The following KCNMA1 variants were observed in gnomAD, a reference collection of about 807,000 sequenced individuals.
The protein encoded by KCNMA1 is Calcium-activated potassium channel subunit alpha-1.
In KCNMA1, 29 loss-of-function variants were observed where a neutral mutation model predicts 140.0. That is an observed-to-expected ratio of 0.21 (90% confidence interval 0.15 to 0.28). The LOEUF is 0.28. Ranked by LOEUF, KCNMA1 falls within the 10% of genes least tolerant of loss-of-function variation. The pLI, the probability that KCNMA1 is intolerant of heterozygous loss-of-function variation, is 1.00. For missense variants in KCNMA1, 880 were observed against 1,602.2 expected, an observed-to-expected ratio of 0.55 and a Z score of 7.70; for synonymous variants, 612 against 611.9, an observed-to-expected ratio of 1.00 and a Z score of 0.00.
At chr10:77,522,449 T>A (rs1014140505) in intron 1 of KCNMA1, among the ~76,000 whole-genome samples, 5 of 152,214 alleles carry the variant, frequency 3.3e-5, no homozygotes, top group Non-Finnish European at 5.9e-5. Context: ...AAATCCCCAG[T>A]AGTTTCAAAA....
intron 5 of KCNMA1, among the ~76,000 whole-genome samples, chr10:77,174,575 T>A (rs1467901600): frequency 6.6e-6 from 1 of 152,186 alleles, no homozygotes; most frequent in Non-Finnish European, 1.5e-5. Context: ...AATAGGCAAA[T>A]GTGGCTAGGA....
At chr10:77,129,696 A>C (rs1179984547) in intron 5 of KCNMA1, among the ~76,000 whole-genome samples, 2 of 152,028 alleles carry the variant, frequency 1.3e-5, no homozygotes, top group African/African-American at 4.8e-5. Context: ...ACCAATAAAT[A>C]TGAAAAAAAA....
intron 1 of KCNMA1, among the ~76,000 whole-genome samples, chr10:77,535,044 C>T (rs912680968): frequency 4.6e-5 from 7 of 152,150 alleles, no homozygotes; most frequent in African/African-American, 1.4e-4. Context: ...CTATAAGGGT[C>T]GTGGAGATTC....
chr10:77,118,233 A>T (rs2097525928), intron 6 of KCNMA1, among the ~76,000 whole-genome samples: 1 of 152,206 alleles, frequency 6.6e-6, no homozygotes, highest in Admixed American at 6.5e-5. Flanking sequence ...AAAGCAGCAG[A>T]GTATGGAAGA....
At chr10:77,530,581 A>G (rs570758889) in intron 1 of KCNMA1, among the ~76,000 whole-genome samples, 1 of 152,176 alleles carries the variant, frequency 6.6e-6, no homozygotes, top group African/African-American at 2.4e-5. Flanking sequence ...GCAGTGCACA[A>G]AGCTAAGTCA....
At chr10:77,313,342 C>A (rs1428157583) in intron 2 of KCNMA1, among the ~76,000 whole-genome samples, 1 of 152,206 alleles carries the variant, frequency 6.6e-6, no homozygotes, top group Non-Finnish European at 1.5e-5. Context: ...GTAATTAGGG[C>A]TCCTGATGCC....
chr10:77,623,957 AAG>A (rs372955144), intron 1 of KCNMA1, among the ~76,000 whole-genome samples: 15 of 152,336 alleles, frequency 9.8e-5, no homozygotes, highest in African/African-American at 3.6e-4. Flanking sequence ...TATGTAACCT[AAG>A]AGAACTATTC....
intron 16 of KCNMA1, chr10:77,019,390 A>C (rs899642870): frequency 1.1e-5 from 4 of 356,544 alleles, no homozygotes; most frequent in Non-Finnish European, 1.5e-5. Context: ...TCTAGCTGCC[A>C]TCATGGGCAC....
At chr10:76,911,647 T>G (rs368275089) in intron 24 of KCNMA1, 1 of 152,160 alleles carries the variant, frequency 6.6e-6, no homozygotes. Context: ...GCTGTCATGA[T>G]CTCCCTTCTG....
At chr10:76,969,886 ACT>A in intron 20 of KCNMA1, 86 bp downstream of exon 20, 1 of 1,023,806 alleles carries the variant, frequency 9.8e-7, no homozygotes. Flanking sequence ...GGGAGGGGAG[ACT>A]CTGGGCCTGG....
intron 19 of KCNMA1, chr10:76,995,716 GAAA>G: frequency 4.3e-6 from 2 of 469,480 alleles, no homozygotes; most frequent in East Asian, 1.4e-4. Context: ...CCACTGTCCT[GAAA>G]TAAAAAAGCA....
intron 3 of KCNMA1, among the ~76,000 whole-genome samples, chr10:77,195,361 A>G (rs550624059): frequency 2.5e-4 from 38 of 152,112 alleles, no homozygotes; most frequent in Admixed American, 2.0e-3. Flanking sequence ...GTCATAAAGG[A>G]CCTGGGCAGT....
In KCNMA1 at chr10:76,891,570, G is replaced by T; in HGVS notation, c.3297C>A (p.Arg1099=). 3.7e-6 allele frequency: 6 copies of T among 1,613,844 alleles called. No individual in the cohort carries two copies. The highest frequency in any genetic ancestry group is 5.1e-6 in the Non-Finnish European group (6 of 1,180,000). The part of the protein sequence containing the change: ...PQTLANRDRC[R]VAQLALLDGP... ...CATCGAGCAGAGCTAACTGGGCCAC[G>T]CGGCAGCGGTCCCTATTGGCCAGTG... The change falls in exon 26 of 28, where the codon CGC becomes CGA. Residue 1099 remains arginine (R), a synonymous_variant. Coordinates refer to ENST00000286628, the MANE Select transcript of KCNMA1 (RefSeq NM_001161352.2).
At chr10:77,544,860 A>C (rs60061490) in intron 1 of KCNMA1, among the ~76,000 whole-genome samples, 12,636 of 152,112 alleles carry the variant, frequency 0.083, 862 homozygotes, top group African/African-American at 0.19. Context: ...ATAACTTCTA[A>C]CCAATGGCAC....
At chr10:77,267,355 AG>A (rs1191121562) in intron 2 of KCNMA1, among the ~76,000 whole-genome samples, 1 of 152,212 alleles carries the variant, frequency 6.6e-6, no homozygotes, top group Non-Finnish European at 1.5e-5. Context: ...ACTGAGGCCC[AG>A]AGAGCTTAAA....
intron 2 of KCNMA1, among the ~76,000 whole-genome samples, chr10:77,364,642 T>C (rs2094218532): frequency 6.6e-6 from 1 of 152,106 alleles, no homozygotes; most frequent in South Asian, 2.1e-4. Flanking sequence ...AAAACCATAA[T>C]TGAAACCTCT....
rs148996093 is a variant in KCNMA1, at chr10:77,196,470, T to C, written c.603-11554A>G. On this transcript the variant is annotated intron_variant, in intron 3 of 27. Coordinates refer to ENST00000286628, the MANE Select transcript of KCNMA1 (RefSeq NM_001161352.2). Reference sequence around the variant, plus strand: ...TACTGTAATTACATTTAAGCTCCTTTCAAAAAGCGAAATGCTCCCATTCAA... The same window carrying C: ...TACTGTAATTACATTTAAGCTCCTTCCAAAAAGCGAAATGCTCCCATTCAA... Among the ~76,000 whole-genome samples, 10 of 152,302 alleles carry C rather than the reference T, an allele frequency of 6.6e-5. No homozygotes were observed. In the East Asian group the frequency reaches 1.9e-3, roughly 29 times the overall value.
At position 76,952,130 on chromosome 10, in the gene KCNMA1, A is replaced by G. The variant is rs1474680480; in HGVS notation, c.2484+1671T>C. Reference sequence around the variant, plus strand: ...TATCCAGGCAAGTCATTAAAACCCTAGGTCCCAGATACGGCATCCAGCCTG... The same window carrying G: ...TATCCAGGCAAGTCATTAAAACCCTGGGTCCCAGATACGGCATCCAGCCTG... On this transcript the variant is annotated intron_variant, in intron 21 of 27. Coordinates refer to ENST00000286628, the MANE Select transcript of KCNMA1 (RefSeq NM_001161352.2). 3 of 1,551,938 alleles carry G rather than the reference A, an allele frequency of 1.9e-6. No homozygotes were observed. The highest frequency in any genetic ancestry group is 2.6e-6 in the Non-Finnish European group (3 of 1,146,994).
intron 3 of KCNMA1, among the ~76,000 whole-genome samples, chr10:77,240,963 G>A (rs1202351044): frequency 1.3e-5 from 2 of 152,194 alleles, no homozygotes; most frequent in Non-Finnish European, 2.9e-5. Context: ...TCCAAAACTC[G>A]GGAGAAAAGC....
Sources: allele counts gnomAD v4.1 joint callset (sites outside exome capture counted in the v4.1 genomes callset), GRCh38; gene constraint gnomAD v4.1.1; transcripts MANE v1.5; gene names NCBI Gene and HGNC (gene_info 2026-07-23, HGNC 2026-07-21).